DPP6: variants seen among roughly 807,000 people sequenced by gnomAD.
DPP6 encodes A-type potassium channel modulatory protein DPP6.
DPP6 carries 69 observed loss-of-function variants against 122.6 expected under a neutral mutation model. That is an observed-to-expected ratio of 0.56 (90% confidence interval 0.46 to 0.69). DPP6 has a LOEUF of 0.69. DPP6 is among the 30% of genes least tolerant of loss of function. The pLI is 0.00. For synonymous variants in DPP6, 418 were observed against 433.1 expected, an observed-to-expected ratio of 0.97 and a Z score of 0.43; for missense variants, 928 against 1,116.9, an observed-to-expected ratio of 0.83 and a Z score of 2.41.
intron 1 of DPP6, among the ~76,000 whole-genome samples, chr7:154,374,663 G>A (rs1812976063): frequency 7.1e-6 from 1 of 141,202 alleles, no homozygotes; most frequent in Non-Finnish European, 1.5e-5. Context: ...CCAGGCTGGA[G>A]TGCAATGGCA....
At chr7:154,594,956 A>G (rs1015041685) in intron 5 of DPP6, among the ~76,000 whole-genome samples, 6 of 152,106 alleles carry the variant, frequency 3.9e-5, no homozygotes, top group Admixed American at 3.9e-4. Context: ...TGTGTGTATA[A>G]GGGCATTTGT....
Position 154,357,275 on chromosome 7 carries a change from C to CT in DPP6, c.244-88923dup, listed in dbSNP as rs35476633. Reference sequence around the variant, plus strand: ...ATTATCTTTAGAAAGTAATGTGGGGCTTTTTTTTTTTTTTTTGCAATTGAA... The same window carrying CT: ...ATTATCTTTAGAAAGTAATGTGGGGCTTTTTTTTTTTTTTTTTGCAATTGAA... On this transcript the variant is annotated intron_variant, in intron 1 of 25. Transcript: ENST00000377770. Among the ~76,000 whole-genome samples the CT allele has an allele frequency of 8.7e-3, 1,056 of 120,718 alleles. 8 individuals carry two copies. Among genetic ancestry groups the CT allele is most frequent in the Non-Finnish European group, 0.012 (638 of 54,764 alleles). The allele number at this position is 120,718 out of a possible 152,430, so 79.2% of individuals were successfully genotyped here. A position where few individuals can be genotyped will look rare whatever the true frequency, so the allele number is the denominator to read the frequency against.
chr7:154,313,363 G>A (rs1351602297), intron 1 of DPP6, among the ~76,000 whole-genome samples: 7 of 152,026 alleles, frequency 4.6e-5, no homozygotes, highest in African/African-American at 1.7e-4. Context: ...AACAGAAACA[G>A]GAACTGTGAT....
In DPP6 at chr7:154,205,798, T is replaced by C. The variant is rs1476300853; in HGVS notation, c.243+152735T>C. Among the ~76,000 whole-genome samples, 10 of 151,732 alleles carry C rather than the reference T, an allele frequency of 6.6e-5. No homozygotes were observed. In the East Asian group the frequency reaches 1.9e-3, roughly 29 times the overall value. On this transcript the variant is annotated intron_variant, in intron 1 of 25. Coordinates refer to ENST00000377770, the MANE Select transcript of DPP6 (RefSeq NM_130797.4). ...AAAAAAAAAAAATTAATTAATTAAT[T>C]AACTAAAAACGCTCAAGATGCCCTC... is the stretch of plus-strand genomic sequence containing the variant.
chr7:154,390,057 A>G (rs1814478721), intron 1 of DPP6, among the ~76,000 whole-genome samples: 1 of 152,204 alleles, frequency 6.6e-6, no homozygotes, highest in African/African-American at 2.4e-5. Context: ...TGGTAGTACA[A>G]TGGTATGAGT....
At chr7:154,030,311 C>T (rs900961228) in intron 1 of DPP6, among the ~76,000 whole-genome samples, 5 of 152,194 alleles carry the variant, frequency 3.3e-5, no homozygotes, top group African/African-American at 9.7e-5. Flanking sequence ...TATCAGAAAT[C>T]GCTCATCATG....
intron 1 of DPP6, among the ~76,000 whole-genome samples, chr7:154,434,455 C>G (rs1000574995): frequency 6.6e-6 from 1 of 152,084 alleles, no homozygotes; most frequent in Non-Finnish European, 1.5e-5. Flanking sequence ...ACCCTTCCCT[C>G]TCTGCTTGCT....
intron 5 of DPP6, among the ~76,000 whole-genome samples, chr7:154,631,608 G>A (rs549116576): frequency 5.3e-5 from 8 of 151,872 alleles, no homozygotes; most frequent in East Asian, 2.0e-4. Flanking sequence ...CAGTGGTTGC[G>A]GTGAGCCAAG....
chr7:154,421,468 G>T (rs1439896829), intron 1 of DPP6, among the ~76,000 whole-genome samples: 1 of 151,940 alleles, frequency 6.6e-6, no homozygotes, highest in Admixed American at 6.6e-5. Flanking sequence ...GATTACAGGC[G>T]TGCACCACCA....
At chr7:154,150,696 G>A (rs1000680967) in intron 1 of DPP6, among the ~76,000 whole-genome samples, 23 of 152,228 alleles carry the variant, frequency 1.5e-4, no homozygotes, top group South Asian at 4.1e-4. Context: ...GCCTGAGAGC[G>A]GCTGCACAGT....
intron 1 of DPP6, among the ~76,000 whole-genome samples, chr7:153,953,037 A>C (rs752678461): frequency 3.3e-5 from 5 of 152,200 alleles, no homozygotes; most frequent in Non-Finnish European, 7.4e-5. Flanking sequence ...AGGTGGGAGG[A>C]AGGGAGATAA....
At chr7:154,027,984 T>A (rs1799029798) in intron 1 of DPP6, among the ~76,000 whole-genome samples, 1 of 150,894 alleles carries the variant, frequency 6.6e-6, no homozygotes, top group African/African-American at 2.5e-5. Context: ...CCTTACTGGT[T>A]TGTAAGCTTT....
rs1223074823 is a variant in DPP6, at chr7:154,604,900, T to A, written c.628-32921T>A. 1.7e-5 allele frequency among the ~76,000 whole-genome samples: 2 copies of A among 120,496 alleles called. 1 individual carries two copies. The highest frequency in any genetic ancestry group is 3.7e-5 in the Non-Finnish European group (2 of 53,486). 79.1% of individuals were successfully genotyped at this position (120,496 alleles called of 152,430 possible). Reference sequence around the variant, plus strand: ...TTTTGTGTCTTCCTACACTGGCTACTCTTTTCCATCCAATGTTAGCCCAGA... The same window carrying A: ...TTTTGTGTCTTCCTACACTGGCTACACTTTTCCATCCAATGTTAGCCCAGA... On this transcript the variant is annotated intron_variant, in intron 5 of 25. Coordinates refer to ENST00000377770, the MANE Select transcript of DPP6 (RefSeq NM_130797.4).
At chr7:154,023,359 C>CACTT (rs1554436937) in intron 1 of DPP6, among the ~76,000 whole-genome samples, 1 of 151,362 alleles carries the variant, frequency 6.6e-6, no homozygotes, top group Non-Finnish European at 1.5e-5. Flanking sequence ...CACACACACA[C>CACTT]ACTTCTTAAG....
chr7:154,110,406 T>G lies in DPP6; in HGVS notation c.243+57343T>G, dbSNP rs560341607. On this transcript the variant is annotated intron_variant, in intron 1 of 25. Coordinates refer to ENST00000377770, the MANE Select transcript of DPP6 (RefSeq NM_130797.4). ...AATCAAAAAGAAGCATCACTCTGCT[T>G]GGGTAGTCAGGGAAGAATCTTGATT... is the stretch of plus-strand genomic sequence containing the variant. Among the ~76,000 whole-genome samples, 5 of 152,248 alleles carry G rather than the reference T, an allele frequency of 3.3e-5. No homozygotes were observed. In the East Asian group the frequency reaches 9.7e-4, roughly 29 times the overall value.
intron 8 of DPP6, among the ~76,000 whole-genome samples, chr7:154,753,791 C>T (rs6956709): frequency 0.22 from 33,901 of 152,060 alleles, 3,955 homozygotes; most frequent in African/African-American, 0.25. Context: ...GCTGTCCCTC[C>T]ATCCGCATCC....
chr7:154,277,628 G>A (rs188516995), intron 1 of DPP6, among the ~76,000 whole-genome samples: 1 of 152,248 alleles, frequency 6.6e-6, no homozygotes. Context: ...AGCCAGGCAT[G>A]GTGGCTCATG....
chr7:154,093,612 T>TACACACACACACACACACACACCATAC (rs368214447), intron 1 of DPP6: 1 of 114,444 alleles, frequency 8.7e-6, no homozygotes, highest in Non-Finnish European at 1.9e-5. Flanking sequence ...ACACACACCA[T>TACACACACACACACACACACACCATAC]ACACACACAC....
intron 2 of DPP6, among the ~76,000 whole-genome samples, chr7:154,471,924 G>A (rs1462669562): frequency 6.6e-6 from 1 of 152,132 alleles, no homozygotes; most frequent in South Asian, 2.1e-4. Flanking sequence ...TAAATCCTTA[G>A]TTGGGTAATA....
Sources: gnomAD v4.1 joint callset for allele counts (sites outside exome capture counted in the v4.1 genomes callset) on GRCh38, gnomAD v4.1.1 for gene constraint, MANE v1.5 for transcripts, NCBI Gene and HGNC (gene_info 2026-07-23, HGNC 2026-07-21) for gene names.